The following MON1A variants were observed in gnomAD, a reference collection of about 807,000 sequenced individuals.
The protein encoded by MON1A is MON1 vesicular trafficking associated A, also known as vacuolar fusion protein MON1 homolog A.
Under a neutral mutation model 44.6 loss-of-function variants are expected in MON1A, and 29 were observed. The observed-to-expected ratio is 0.65, with a 90% CI of 0.48 to 0.89. The LOEUF is 0.89. Ranked by LOEUF, MON1A falls within the 40% of genes least tolerant of loss-of-function variation. The pLI, the probability that MON1A is intolerant of heterozygous loss-of-function variation, is 0.00. For missense variants in MON1A, 615 were observed against 759.6 expected (o/e 0.81, Z 2.24); for synonymous variants, 275 against 316.4 (o/e 0.87, Z 1.39).
In MON1A at chr3:49,911,947, C is replaced by T; in HGVS notation, c.192G>A (p.Glu64=). The change falls in exon 3 of 6, where the codon GAG becomes GAA. Residue 64 remains glutamate (E), a synonymous_variant. Transcript: ENST00000296473. This position sits in a 1 kb window ranked among gnomAD's most constrained non-coding sequence, Gnocchi z 5.7. The part of the protein sequence containing the change: ...ARSYEDLTES[E]DGAASGDSHK... Reference sequence around the variant, plus strand: ...GGCTGTCCCCAGAAGCTGCCCCATCCTCTGACTCAGTCAGGTCCTCGTAGG... The same window carrying T: ...GGCTGTCCCCAGAAGCTGCCCCATCTTCTGACTCAGTCAGGTCCTCGTAGG... 6.2e-7 allele frequency: 1 copy of T among 1,613,346 alleles called. No individual in the cohort carries two copies. The highest frequency in any genetic ancestry group is 8.5e-7 in the Non-Finnish European group (1 of 1,179,564).
chr3:49,916,106 C>G (rs759592000), intron 1 of MON1A: 22 of 152,272 alleles, frequency 1.4e-4, no homozygotes, highest in Admixed American at 3.9e-4. Context: ...CAAAGTAGAC[C>G]TGAGCCTGCA....
chr3:49,911,620 C>G lies in MON1A; in HGVS notation c.519G>C (p.Gly173=), dbSNP rs1396159448. ...TAGTGCTGGAAAGTGCCTCCTCAGA[C>G]CCATAGCGGGAGTACACAGGCTTCC... ...EAGKPVYSRY[G]SEEALSSTMG... The change falls in exon 3 of 6, where the codon GGG becomes GGC. Residue 173 remains glycine, a synonymous_variant. Transcript: ENST00000296473. The surrounding 1 kb of genome is among the most constrained non-coding windows in gnomAD (Gnocchi z 5.7). 6.2e-7 allele frequency: 1 copy of G among 1,614,176 alleles called. No homozygotes were observed. Among genetic ancestry groups the G allele is most frequent in the Non-Finnish European group, 8.5e-7 (1 of 1,180,002 alleles).
intron 1 of MON1A, chr3:49,924,683 A>G (rs2083034944): frequency 6.1e-6 from 1 of 163,076 alleles, no homozygotes; most frequent in African/African-American, 2.4e-5. Flanking sequence ...CCTGTCTCAA[A>G]AAAAAATGAA....
intron 1 of MON1A, 138 bp downstream of exon 1, chr3:49,929,471 G>A: frequency 3.0e-6 from 3 of 992,336 alleles, no homozygotes; most frequent in Non-Finnish European, 4.6e-6. Context: ...CTGAGGGACC[G>A]CAGGGAGACA....
chr3:49,922,529 AGGAGGGAG>A (rs781198766), intron 1 of MON1A, among the ~76,000 whole-genome samples: 24 of 103,776 alleles, frequency 2.3e-4, no homozygotes, highest in Non-Finnish European at 5.6e-5. Context: ...GAGAGAAGGA[AGGAGGGAG>A]GGAGGGAGGG....
chr3:49,926,836 T>C (rs1014794633), intron 1 of MON1A, among the ~76,000 whole-genome samples: 2 of 151,432 alleles, frequency 1.3e-5, no homozygotes, highest in Non-Finnish European at 2.9e-5. Flanking sequence ...TGGAGTGCAG[T>C]GGCATGATCT....
rs2082875140 is a variant in MON1A at position 49,911,199 on chromosome 3, T to G, written c.614-315A>C. On this transcript the variant is annotated intron_variant, in intron 3 of 5. Coordinates refer to ENST00000296473, the MANE Select transcript of MON1A (RefSeq NM_032355.4). The surrounding 1 kb of genome is among the most constrained non-coding windows in gnomAD (Gnocchi z 5.7). ...CTGGGAGATAGATAGATTAGATAGA[T>G]AGATAGATAGATAGATAGATAGATA... Among the ~76,000 whole-genome samples the G allele has an allele frequency of 1.5e-5, 1 of 68,402 alleles. No homozygotes were observed. The highest frequency in any genetic ancestry group is 3.2e-4 in the South Asian group (1 of 3,124). 44.9% of individuals were successfully genotyped at this position (68,402 alleles called of 152,430 possible).
chr3:49,922,332 G>C (rs2083006269), intron 1 of MON1A, among the ~76,000 whole-genome samples: 1 of 151,670 alleles, frequency 6.6e-6, no homozygotes, highest in African/African-American at 2.4e-5. Context: ...TGTAATCCCA[G>C]CTACCCCGGG....
At chr3:49,929,562 C>A (rs755166801) in intron 1 of MON1A, 47 bp downstream of exon 1, 1 of 1,548,848 alleles carries the variant, frequency 6.5e-7, no homozygotes, top group South Asian at 1.2e-5. Context: ...TGACAGCTCT[C>A]CAGTCTCTAG....
intron 1 of MON1A, among the ~76,000 whole-genome samples, chr3:49,928,543 T>C (rs1379810801): frequency 6.6e-6 from 1 of 152,112 alleles, no homozygotes; most frequent in Non-Finnish European, 1.5e-5. Flanking sequence ...TCAGCCCTTG[T>C]AGTGTGCCTC....
chr3:49,909,214 G>A lies in MON1A; in HGVS notation c.1527+39C>T, dbSNP rs369043563. 4.8e-5 allele frequency: 78 copies of A among 1,613,380 alleles called. No individual in the cohort carries two copies. Among genetic ancestry groups the A allele is most frequent in the Non-Finnish European group, 2.5e-6 (3 of 1,179,728 alleles). ...GAGGCCCCTCATGGCCCATACCTAG[G>A]ACCTCCATAAAGCCCAGCCCATCCC... On this transcript the variant is annotated intron_variant, in intron 5 of 5. Coordinates refer to ENST00000296473, the MANE Select transcript of MON1A (RefSeq NM_032355.4). This position sits in a 1 kb window ranked among gnomAD's most constrained non-coding sequence, Gnocchi z 4.0.
chr3:49,919,428 G>C (rs2082976710), intron 1 of MON1A, among the ~76,000 whole-genome samples: 1 of 152,152 alleles, frequency 6.6e-6, no homozygotes, highest in Non-Finnish European at 1.5e-5. Context: ...AGGTAGGCTA[G>C]ACTATTCTGT....
rs1486340868 is a variant in MON1A, at chr3:49,911,487, C to T, written c.613+39G>A. The stretch of plus-strand genomic sequence containing the variant: ...AAAACCTGCTATGAATGAACCTTGG[C>T]CAGGGGAGCCCGCCCCATTCCCTCT... On this transcript the variant is annotated intron_variant, in intron 3 of 5. Coordinates refer to ENST00000296473, the MANE Select transcript of MON1A (RefSeq NM_032355.4). The surrounding 1 kb of genome is among the most constrained non-coding windows in gnomAD (Gnocchi z 5.7). 2 of 1,569,464 alleles carry T rather than the reference C, an allele frequency of 1.3e-6. No homozygotes were observed. The highest frequency in any genetic ancestry group is 1.2e-5 in the South Asian group (1 of 83,312).
At position 49,910,807 on chromosome 3, in the gene MON1A, C is replaced by T. The variant is rs7428128; in HGVS notation, c.691G>A (p.Glu231Lys). The T allele has an allele frequency of 1.2e-6, 2 of 1,613,444 alleles. No individual in the cohort carries two copies. Among genetic ancestry groups the T allele is most frequent in the Non-Finnish European group, 1.7e-6 (2 of 1,180,010 alleles). Residue 231 changes from glutamate (E) to lysine (K), a missense_variant, in exon 4 of 6, where the codon GAG (glutamate) becomes AAG (lysine). By Grantham distance (56) the Glu-to-Lys change is moderately conservative. Coordinates refer to ENST00000296473, the MANE Select transcript of MON1A (RefSeq NM_032355.4). This position sits in a 1 kb window ranked among gnomAD's most constrained non-coding sequence, Gnocchi z 8.0. Reference protein sequence around the residue: ...AVARTRQSAQELAQELLYIYY... With the variant: ...AVARTRQSAQKLAQELLYIYY... Reference sequence around the variant, plus strand: ...ATGTAGAGCAGCTCCTGCGCCAGCTCTTGTGCCGACTGCCGCGTACGAGCC... The same window carrying T: ...ATGTAGAGCAGCTCCTGCGCCAGCTTTTGTGCCGACTGCCGCGTACGAGCC...
At chr3:49,924,088 A>G (rs2083028062) in intron 1 of MON1A, 1 of 149,650 alleles carries the variant, frequency 6.7e-6, no homozygotes, top group South Asian at 2.1e-4. Context: ...TCTCATAGGA[A>G]AAAAAAAAAA....
At chr3:49,922,942 C>G (rs1257453724) in intron 1 of MON1A, among the ~76,000 whole-genome samples, 1 of 151,870 alleles carries the variant, frequency 6.6e-6, no homozygotes, top group African/African-American at 2.4e-5. Context: ...AACCCCTGAC[C>G]TGGTGATCCG....
At chr3:49,919,614 G>A (rs1333369357) in intron 1 of MON1A, among the ~76,000 whole-genome samples, 1 of 152,084 alleles carries the variant, frequency 6.6e-6, no homozygotes, top group Admixed American at 6.6e-5. Flanking sequence ...CGAGCAGCTG[G>A]GATTACAGAC....
intron 1 of MON1A, among the ~76,000 whole-genome samples, chr3:49,923,252 G>A (rs1472041635): frequency 6.9e-6 from 1 of 144,804 alleles, no homozygotes; most frequent in Non-Finnish European, 1.5e-5. Flanking sequence ...TGAGGCAGGA[G>A]AATCCCTTGA....
rs2083023218 is a variant in MON1A, at chr3:49,923,515, AG to A, written c.-14+6093del. On this transcript the variant is annotated intron_variant, in intron 1 of 5. Transcript: ENST00000296473. ...AGTCTTGCTCTGTTGCCTAGGCTGG[AG>A]TGCAACAGCGCAATCTCAGCTCCAC... Among the ~76,000 whole-genome samples the A allele has an allele frequency of 3.5e-5, 5 of 144,696 alleles. No individual in the cohort carries two copies. In the South Asian group the frequency reaches 9.1e-4, roughly 26 times the overall value. The allele number at this position is 144,696 out of a possible 152,430, so 94.9% of individuals were successfully genotyped here. A position where few individuals can be genotyped will look rare whatever the true frequency, so the allele number is the denominator to read the frequency against.
Sources: allele counts gnomAD v4.1 joint callset (sites outside exome capture counted in the v4.1 genomes callset), GRCh38; gene constraint gnomAD v4.1.1; non-coding constraint Gnocchi (gnomAD v3.1); transcripts MANE v1.5; gene names NCBI Gene and HGNC (gene_info 2026-07-23, HGNC 2026-07-21).